The following TUBB8 variants were observed in gnomAD, a reference collection of about 807,000 sequenced individuals.
TUBB8 encodes the protein tubulin beta 8 class VIII.
In TUBB8, 25 loss-of-function variants were observed where a neutral mutation model predicts 33.7. The ratio of observed to expected loss-of-function variants is 0.74; its 90% CI spans 0.54 to 1.04. The LOEUF (loss-of-function observed/expected upper bound fraction) is 1.04, where lower values mean the gene tolerates loss of function less well. Among genes scored for constraint, TUBB8 ranks in the 50% least tolerant of loss-of-function variants. The pLI is 0.00. For synonymous variants in TUBB8, 245 were observed against 240.1 expected, an observed-to-expected ratio of 1.02 and a Z score of -0.19; for missense variants, 279 against 608.0, an observed-to-expected ratio of 0.46 and a Z score of 5.69.
intron 1 of TUBB8, among the ~76,000 whole-genome samples, chr10:70,239 T>C (rs12777425): frequency 6.7e-6 from 1 of 150,104 alleles, no homozygotes; most frequent in African/African-American, 2.5e-5. Context: ...GATAAACTAA[T>C]AAGTATATTT....
intron 1 of TUBB8, among the ~76,000 whole-genome samples, chr10:64,975 T>TAAAAAAA (rs61340461): frequency 5.9e-3 from 694 of 118,352 alleles, no homozygotes; most frequent in African/African-American, 0.02. Context: ...CCATCTCCAC[T>TAAAAAAA]AAAAAAAAAA....
intron 1 of TUBB8, among the ~76,000 whole-genome samples, chr10:59,739 T>C (rs1320327968): frequency 1.3e-5 from 2 of 152,256 alleles, no homozygotes; most frequent in Admixed American, 6.5e-5. Context: ...AGTTTGGAAA[T>C]GTTCTTTCCT....
At chr10:70,330 T>C (rs1834721093) in intron 1 of TUBB8, among the ~76,000 whole-genome samples, 1 of 152,046 alleles carries the variant, frequency 6.6e-6, no homozygotes, top group Non-Finnish European at 1.5e-5. Flanking sequence ...ATGTGCACAA[T>C]GTGCAGGTTA....
chr10:54,939 G>A lies in TUBB8; in HGVS notation c.-845-4706C>T, dbSNP rs1326158245. 7.2e-5 allele frequency among the ~76,000 whole-genome samples: 11 copies of A among 152,258 alleles called. No individual in the cohort carries two copies. In the South Asian group the frequency reaches 1.9e-3, roughly 26 times the overall value. On this transcript the variant is annotated intron_variant, in intron 1 of 3. Coordinates refer to the TUBB8 transcript ENST00000564130. ...TGCCCAGCTAAGTTTTGTATTTTTA[G>A]TAGAGACGGCGTTTCACCATCTTGG... is the stretch of plus-strand genomic sequence containing the variant.
intron 1 of TUBB8, among the ~76,000 whole-genome samples, chr10:73,088 GA>G (rs1554742578): frequency 6.6e-6 from 1 of 152,170 alleles, no homozygotes; most frequent in Non-Finnish European, 1.5e-5. Flanking sequence ...TTATAAAACA[GA>G]CGTCATTTTC....
At chr10:59,054 T>G (rs1192913094) in intron 1 of TUBB8, among the ~76,000 whole-genome samples, 1 of 152,218 alleles carries the variant, frequency 6.6e-6, no homozygotes, top group Non-Finnish European at 1.5e-5. Context: ...TGATACTAGC[T>G]GTGGGTCTGT....
chr10:54,551 G>A (rs1322526433), intron 1 of TUBB8, among the ~76,000 whole-genome samples: 2 of 151,920 alleles, frequency 1.3e-5, no homozygotes, highest in Non-Finnish European at 2.9e-5. Flanking sequence ...CTCATTTTGG[G>A]TTTGATTTGC....
intron 1 of TUBB8, among the ~76,000 whole-genome samples, chr10:58,488 G>A (rs1370919911): frequency 5.9e-5 from 9 of 152,226 alleles, no homozygotes; most frequent in Non-Finnish European, 1.2e-4. Context: ...AGGTTTAAGT[G>A]GCTCATGATT....
intron 1 of TUBB8, among the ~76,000 whole-genome samples, chr10:70,700 C>T (rs1341072811): frequency 6.6e-6 from 1 of 151,958 alleles, no homozygotes; most frequent in African/African-American, 2.4e-5. Flanking sequence ...ATCAGCCAGG[C>T]ATGGTGGCGC....
At chr10:46,873 AGAT>A (rs1215250063), downstream of TUBB8, 1 of 507,642 alleles carries the variant, frequency 2.0e-6, no homozygotes, top group African/African-American at 2.1e-5. Flanking sequence ...CATAGAAAGA[AGAT>A]GGAGGCAAAA....
At chr10:54,960 C>A (rs1834510873) in intron 1 of TUBB8, among the ~76,000 whole-genome samples, 1 of 152,166 alleles carries the variant, frequency 6.6e-6, no homozygotes, top group Non-Finnish European at 1.5e-5. Context: ...GTTTCACCAT[C>A]TTGGCCAGGC....
At chr10:75,676 A>T (rs1834804262), upstream of TUBB8, among the ~76,000 whole-genome samples, 1 of 151,354 alleles carries the variant, frequency 6.6e-6, no homozygotes, top group Non-Finnish European at 1.5e-5. Flanking sequence ...AAAAAAGACA[A>T]AAAGAAGATG....
At chr10:57,141 C>T (rs1346558099) in intron 1 of TUBB8, among the ~76,000 whole-genome samples, 1 of 152,244 alleles carries the variant, frequency 6.6e-6, no homozygotes, top group Non-Finnish European at 1.5e-5. Flanking sequence ...ATTTCCAGGG[C>T]ACACTAATGC....
chr10:65,097 AAG>A (rs1834653973), intron 1 of TUBB8, among the ~76,000 whole-genome samples: 1 of 152,206 alleles, frequency 6.6e-6, no homozygotes. Context: ...GCTATAAGCC[AAG>A]ACTGTGCCAC....
chr10:47,679 G>T lies in TUBB8; in HGVS notation c.713C>A (p.Thr238Lys), dbSNP rs1057520306. Residue 238 changes from threonine (T) to lysine (K), a missense_variant, in exon 4 of 4, where the codon ACG (threonine) becomes AAG (lysine). Physicochemically the swap from Thr to Lys is moderately conservative, Grantham distance 78. This residue lies in a region of TUBB8 where 4 missense variants were observed against 67.5 expected (regional missense o/e 0.06). Transcript: ENST00000568584. ...LVSATMSGVTTCLRFPGQLNA... is the reference protein window; with the variant it reads ...LVSATMSGVTKCLRFPGQLNA... ...CAGCTGGCCCGGGAAGCGCAGGCACGTGGTGACCCCACTCATGGTAGCAGA... is the reference window on the plus strand; with the variant it reads ...CAGCTGGCCCGGGAAGCGCAGGCACTTGGTGACCCCACTCATGGTAGCAGA... The T allele has an allele frequency of 3.1e-6, 5 of 1,611,104 alleles. No individual in the cohort carries two copies. Among genetic ancestry groups the T allele is most frequent in the Non-Finnish European group, 4.2e-6 (5 of 1,179,342 alleles).
chr10:68,395 C>G (rs1224262125), intron 1 of TUBB8, among the ~76,000 whole-genome samples: 1 of 152,170 alleles, frequency 6.6e-6, no homozygotes, highest in East Asian at 1.9e-4. Context: ...ATATGACGCC[C>G]ACAATACTGC....
upstream of TUBB8, chr10:49,411 T>G: frequency 1.4e-6 from 1 of 733,658 alleles, no homozygotes; most frequent in Non-Finnish European, 2.5e-6. Flanking sequence ...CACCCACCTG[T>G]GGATCCCCTG....
chr10:52,246 G>A (rs534773009), upstream of TUBB8, among the ~76,000 whole-genome samples: 10 of 152,252 alleles, frequency 6.6e-5, no homozygotes, highest in South Asian at 1.7e-3. Context: ...ATGGCTTCAT[G>A]ACCCTAAAAC....
intron 1 of TUBB8, among the ~76,000 whole-genome samples, chr10:60,862 G>A (rs1417669082): frequency 6.6e-6 from 1 of 152,008 alleles, no homozygotes; most frequent in Non-Finnish European, 1.5e-5. Context: ...TTAAGAAAAT[G>A]TGGCACATAT....
Sources: allele counts gnomAD v4.1 joint callset (sites outside exome capture counted in the v4.1 genomes callset), GRCh38; gene constraint gnomAD v4.1.1; regional missense constraint gnomAD v4.1.1; transcripts MANE v1.5; gene names NCBI Gene and HGNC (gene_info 2026-07-23, HGNC 2026-07-21).